SNPH: variants seen among roughly 807,000 people sequenced by gnomAD.
SNPH encodes syntaphilin.
SNPH carries 10 observed loss-of-function variants against 36.8 expected under a neutral mutation model. That is an observed-to-expected ratio of 0.27 (90% CI 0.17 to 0.46). The LOEUF is 0.46. Ranked by LOEUF, SNPH falls within the 20% of genes least tolerant of loss-of-function variation. SNPH has a pLI of 1.00. For missense variants in SNPH, 622 were observed against 744.0 expected (o/e 0.84, Z 1.91); for synonymous variants, 281 against 312.2 (o/e 0.90, Z 1.05).
intron 2 of SNPH, among the ~76,000 whole-genome samples, chr20:1,281,180 G>GTT (rs2088214359): frequency 1.3e-5 from 2 of 152,064 alleles, no homozygotes; most frequent in South Asian, 4.1e-4. Flanking sequence ...CTCTTCTGGG[G>GTT]ACCCTCAAGA....
intron 6 of SNPH, among the ~76,000 whole-genome samples, chr20:1,302,677 G>A (rs528912506): frequency 1.3e-5 from 2 of 152,296 alleles, no homozygotes; most frequent in East Asian, 3.9e-4. Context: ...TGATTTTTCT[G>A]TCTCTATGGA....
In SNPH at chr20:1,283,773, T is replaced by C. The variant is rs577651010; in HGVS notation, c.-492-11178T>C. 2.0e-5 allele frequency among the ~76,000 whole-genome samples: 3 copies of C among 152,280 alleles called. No homozygotes were observed. The South Asian group carries it at 6.2e-4, about 32-fold the overall frequency. ...GGACTCCTGGTCTACAAACACTTGC[T>C]AGGGCCAGTGCTGGGCAGAATAGGA... On this transcript the variant is annotated intron_variant, in intron 2 of 6. Coordinates refer to ENST00000381867, the MANE Select transcript of SNPH (RefSeq NM_001318234.2).
intron 2 of SNPH, among the ~76,000 whole-genome samples, chr20:1,291,658 G>A (rs909944498): frequency 5.3e-5 from 8 of 151,084 alleles, no homozygotes; most frequent in Non-Finnish European, 1.0e-4. Context: ...CTGCTCTGTT[G>A]ATTGCAATGC....
chr20:1,293,083 C>G (rs1381559001), intron 2 of SNPH, among the ~76,000 whole-genome samples: 1 of 152,132 alleles, frequency 6.6e-6, no homozygotes, highest in Non-Finnish European at 1.5e-5. Context: ...TCATTAGAGC[C>G]CCAGTTATTA....
intron 6 of SNPH, among the ~76,000 whole-genome samples, chr20:1,303,290 A>G (rs889248673): frequency 1.3e-5 from 2 of 152,154 alleles, no homozygotes; most frequent in Non-Finnish European, 2.9e-5. Context: ...TTACCCTTCA[A>G]GACGCACTTC....
At chr20:1,277,023 A>T (rs931800095) in intron 2 of SNPH, among the ~76,000 whole-genome samples, 1 of 152,208 alleles carries the variant, frequency 6.6e-6, no homozygotes, top group Non-Finnish European at 1.5e-5. Context: ...CTTTCTCCCA[A>T]GAGGTGGCAA....
chr20:1,276,541 G>A lies in SNPH; in HGVS notation c.-493+9781G>A, dbSNP rs1056115162. ...TAAAAATGGGCATCATAATCATAAC[G>A]TAGGCCTCCTGACAGCAAAGCTGGC... is the stretch of plus-strand genomic sequence containing the variant. On this transcript the variant is annotated intron_variant, in intron 2 of 6. Transcript: ENST00000381867. The surrounding 1 kb of genome is among the most constrained non-coding windows in gnomAD (Gnocchi z 4.6). Among the ~76,000 whole-genome samples, 119 of 152,240 alleles carry A rather than the reference G, an allele frequency of 7.8e-4. No homozygotes were observed. Among genetic ancestry groups the A allele is most frequent in the African/African-American group, 2.7e-3 (114 of 41,546 alleles).
intron 2 of SNPH, among the ~76,000 whole-genome samples, chr20:1,270,572 G>A (rs916512540): frequency 1.3e-5 from 2 of 152,168 alleles, no homozygotes; most frequent in African/African-American, 4.8e-5. Context: ...CTAGAAGGTG[G>A]ACATGGAGTC....
rs112548694 is a variant in SNPH, at chr20:1,278,447, C to T, written c.-493+11687C>T. On this transcript the variant is annotated intron_variant, in intron 2 of 6. Transcript: ENST00000381867. The stretch of plus-strand genomic sequence containing the variant: ...CAGTGTGGTAAATTCTGACATATTT[C>T]TATACTGATGAAACCATCACCACAA... 1.4e-3 allele frequency among the ~76,000 whole-genome samples: 220 copies of T among 152,284 alleles called. 1 individual carries two copies. Among genetic ancestry groups the T allele is most frequent in the African/African-American group, 5.0e-3 (206 of 41,554 alleles).
chr20:1,298,383 G>A (rs1050459376), intron 5 of SNPH, among the ~76,000 whole-genome samples: 1 of 152,188 alleles, frequency 6.6e-6, no homozygotes. Flanking sequence ...GATGTCATTT[G>A]TGTGAAGCGA....
intron 2 of SNPH, among the ~76,000 whole-genome samples, chr20:1,279,309 A>G (rs1434096972): frequency 6.6e-6 from 1 of 152,182 alleles, no homozygotes; most frequent in African/African-American, 2.4e-5. Flanking sequence ...CATTTTCCTA[A>G]TAACTAATGA....
intron 2 of SNPH, among the ~76,000 whole-genome samples, chr20:1,269,470 G>A (rs77595432): frequency 0.02 from 3,010 of 152,270 alleles, 59 homozygotes; most frequent in Non-Finnish European, 0.028. Context: ...ACTGCTATCC[G>A]ACACCAGGTC....
chr20:1,289,112 C>T (rs2088320000), intron 2 of SNPH, among the ~76,000 whole-genome samples: 4 of 152,146 alleles, frequency 2.6e-5, no homozygotes, highest in Admixed American at 2.0e-4. Flanking sequence ...CCCAGGTCTA[C>T]TGTATTATGA....
In SNPH at chr20:1,285,266, C is replaced by T. The variant is rs1250425857; in HGVS notation, c.-492-9685C>T. Among the ~76,000 whole-genome samples, 1 of 152,266 alleles carries T rather than the reference C, an allele frequency of 6.6e-6. No individual in the cohort carries two copies. The highest frequency in any genetic ancestry group is 1.9e-4 in the East Asian group (1 of 5,174). Reference sequence around the variant, plus strand: ...GAGATACTCTGTTAGACCAAAGTGGCGGTGTCCTGAAATCCTGTTGTTTGG... The same window carrying T: ...GAGATACTCTGTTAGACCAAAGTGGTGGTGTCCTGAAATCCTGTTGTTTGG... On this transcript the variant is annotated intron_variant, in intron 2 of 6. Coordinates refer to ENST00000381867, the MANE Select transcript of SNPH (RefSeq NM_001318234.2). The surrounding 1 kb of genome is among the most constrained non-coding windows in gnomAD (Gnocchi z 4.9).
At position 1,299,144 on chromosome 20, in the gene SNPH, T is replaced by C. The variant is rs6041238; in HGVS notation, c.291-1418T>C. ...AGAAAACCACTTCTCATTCCACTTCTATCACCACTTTCTCTTTGACAGTTT... is the reference window on the plus strand; with the variant it reads ...AGAAAACCACTTCTCATTCCACTTCCATCACCACTTTCTCTTTGACAGTTT... On this transcript the variant is annotated intron_variant, in intron 5 of 6. Coordinates refer to ENST00000381867, the MANE Select transcript of SNPH (RefSeq NM_001318234.2). 5.9e-3 allele frequency among the ~76,000 whole-genome samples: 905 copies of C among 152,268 alleles called. 12 individuals are homozygous for C. The highest frequency in any genetic ancestry group is 0.021 in the African/African-American group (853 of 41,544).
chr20:1,274,387 C>G (rs1430371525), intron 2 of SNPH, among the ~76,000 whole-genome samples: 1 of 151,802 alleles, frequency 6.6e-6, no homozygotes, highest in Non-Finnish European at 1.5e-5. Context: ...AATCTAGTAA[C>G]AAAACAATGT....
At chr20:1,289,929 T>C (rs2088336400) in intron 2 of SNPH, among the ~76,000 whole-genome samples, 1 of 152,020 alleles carries the variant, frequency 6.6e-6, no homozygotes, top group Non-Finnish European at 1.5e-5. Flanking sequence ...AATAGCCAGA[T>C]GCAGTGGCTC....
At chr20:1,290,261 A>C (rs74419192) in intron 2 of SNPH, among the ~76,000 whole-genome samples, 14,841 of 152,110 alleles carry the variant, frequency 0.098, 1,256 homozygotes, top group African/African-American at 0.23. Context: ...GGATTTTAGG[A>C]TACTCACAAA....
Position 1,308,866 on chromosome 20 carries a change from G to A in SNPH, c.*2812G>A, listed in dbSNP as rs1476455844. 2.0e-5 allele frequency: 3 copies of A among 152,266 alleles called. No homozygotes were observed. The highest frequency in any genetic ancestry group is 7.2e-5 in the African/African-American group (3 of 41,452). The allele number at this position is 152,266 out of a possible 1,614,324, so 9.4% of individuals were successfully genotyped here. A position where few individuals can be genotyped will look rare whatever the true frequency, so the allele number is the denominator to read the frequency against. ...GGCTTCTCCTGAGTTCTAGGGCTCG[G>A]GCCAGAGTGGCACTACTGCCCGGCC... On this transcript the variant is annotated 3_prime_UTR_variant, in exon 7 of 7. Coordinates refer to ENST00000381867, the MANE Select transcript of SNPH (RefSeq NM_001318234.2).
Sources: allele counts gnomAD v4.1 joint callset (sites outside exome capture counted in the v4.1 genomes callset), GRCh38; gene constraint gnomAD v4.1.1; non-coding constraint Gnocchi (gnomAD v3.1); transcripts MANE v1.5; gene names NCBI Gene and HGNC (gene_info 2026-07-23, HGNC 2026-07-21).